The following TFF2 variants were observed in gnomAD, a reference collection of about 807,000 sequenced individuals.
The protein encoded by TFF2 is spasmolysin.
TFF2 carries 19 observed loss-of-function variants against 16.0 expected under a neutral mutation model. That is an observed-to-expected ratio of 1.19 (90% CI 0.83 to 1.74). The LOEUF (loss-of-function observed/expected upper bound fraction) is 1.74. TFF2 is among the 40% of genes most tolerant of loss of function. TFF2 has a pLI of 0.00. For missense variants in TFF2, 168 were observed against 166.8 expected (o/e 1.01, Z -0.04); for synonymous variants, 61 against 65.4 (o/e 0.93, Z 0.32).
intron 3 of TFF2, 89 bp from the exon 4 acceptor site, chr21:42,346,635 T>G: frequency 7.1e-7 from 1 of 1,405,638 alleles, no homozygotes; most frequent in Middle Eastern, 2.0e-4. Context: ...TGCATCACTT[T>G]GCCCAGGAGC....
At chr21:42,350,232 A>G (rs1601493478) in intron 1 of TFF2, 1 of 187,302 alleles carries the variant, frequency 5.3e-6, no homozygotes, top group Non-Finnish European at 7.8e-6. Flanking sequence ...GTTTAAAAGG[A>G]AAAAAAAAAA....
At chr21:42,346,785 TA>T (rs200449552) in intron 3 of TFF2, among the ~76,000 whole-genome samples, 4,059 of 152,206 alleles carry the variant, frequency 0.027, 58 homozygotes, top group African/African-American at 0.039. Flanking sequence ...TTAGGTCACA[TA>T]AAAAAAATCA....
chr21:42,347,427 G>C (rs1297526251), intron 3 of TFF2, 59 bp downstream of exon 3: 8 of 1,607,830 alleles, frequency 5.0e-6, no homozygotes, highest in Non-Finnish European at 5.1e-6. Context: ...CCACCTCTAC[G>C]GACGGAGGAG....
chr21:42,348,821 A>C (rs2052090158), intron 2 of TFF2, among the ~76,000 whole-genome samples: 1 of 152,060 alleles, frequency 6.6e-6, no homozygotes, highest in African/African-American at 2.4e-5. Flanking sequence ...AACCTGGGCT[A>C]CCTCTAGACT....
At chr21:42,350,272 A>C in intron 1 of TFF2, 7 of 995,872 alleles carry the variant, frequency 7.0e-6, no homozygotes, top group Non-Finnish European at 7.6e-6. Context: ...CATACCTATA[A>C]TCCCAGCACT....
intron 1 of TFF2, chr21:42,350,476 T>C (rs187138642): frequency 1.2e-3 from 225 of 187,380 alleles, no homozygotes; most frequent in African/African-American, 5.0e-3. Flanking sequence ...GAGGTTGCAG[T>C]GAGCCAAGAT....
intron 3 of TFF2, 24 bp downstream of exon 3, chr21:42,347,462 C>CAG: frequency 6.2e-7 from 1 of 1,613,902 alleles, no homozygotes; most frequent in Non-Finnish European, 8.5e-7. Context: ...GGGAACCAGA[C>CAG]AGAGAGTCCC....
intron 1 of TFF2, 177 bp from the exon 2 acceptor site, chr21:42,350,207 GAAATTGTT>G: frequency 8.1e-7 from 1 of 1,231,198 alleles, no homozygotes. Flanking sequence ...GGGCTTTGCT[GAAATTGTT>G]ATATTAGTTT....
rs545485231 is a variant in TFF2 at position 42,347,522 on chromosome 21, C to G, written c.340G>C (p.Glu114Gln). The stretch of plus-strand genomic sequence containing the variant: ...TTCGGGAAGAAGCACCAGGGCACTT[C>G]AAAGATGAAGTTGGAGAAGCAGCAC... The part of the protein sequence containing the change: ...RKCCFSNFIF[E>Q]VPWCFFPKSV... The change falls in exon 3 of 4, where the codon GAA becomes CAA. Residue 114 changes from glutamate to glutamine, a missense_variant. Transcript: ENST00000291526. 12 of 1,614,206 alleles carry G rather than the reference C, an allele frequency of 7.4e-6. No individual in the cohort carries two copies. In the African/African-American group the frequency reaches 1.5e-4, roughly 20 times the overall value.
chr21:42,350,871 T>G lies in TFF2; in HGVS notation c.79+8A>C. On this transcript the variant is annotated splice_region_variant and intron_variant, in intron 1 of 3. Transcript: ENST00000291526. ...AAAGCACATAAAAAGACCCTCTCCT[T>G]CACTTACAGGGTTTCTCACTCCCCG... is the stretch of plus-strand genomic sequence containing the variant. The G allele has an allele frequency of 6.2e-7, 1 of 1,606,392 alleles. No individual in the cohort carries two copies. Among genetic ancestry groups the G allele is most frequent in the Non-Finnish European group, 8.5e-7 (1 of 1,177,566 alleles).
chr21:42,350,405 CA>C (rs1568860336), intron 1 of TFF2: 1 of 188,780 alleles, frequency 5.3e-6, no homozygotes, highest in African/African-American at 2.4e-5. Flanking sequence ...TGATGGTCCA[CA>C]ACTGTGGTTT....
chr21:42,350,409 T>A, intron 1 of TFF2: 1 of 185,138 alleles, frequency 5.4e-6, no homozygotes, highest in Non-Finnish European at 1.1e-5. Flanking sequence ...GGTCCACAAC[T>A]GTGGTTTCAG....
rs1283062911 is a variant in TFF2 at position 42,349,931 on chromosome 21, T to A, written c.179A>T (p.Asp60Val). 3 of 1,600,252 alleles carry A rather than the reference T, an allele frequency of 1.9e-6. No homozygotes were observed. Among genetic ancestry groups the A allele is most frequent in the Admixed American group, 1.7e-5 (1 of 58,214 alleles). Residue 60 changes from aspartate to valine, a missense_variant, in exon 2 of 4, where the codon GAC becomes GTC. Transcript: ENST00000291526. Reference protein sequence around the residue: ...DQCFDNGCCFDSSVTGVPWCF... With the variant: ...DQCFDNGCCFVSSVTGVPWCF... ...CCAGGGGACCCCAGTGACACTGGAG[T>A]CGAAACAGCATCCATTGTCAAAACA...
In TFF2 at chr21:42,350,966, C is replaced by T; in HGVS notation, c.-9G>A. ...GCGTCTCGCCGTCCCATGTCTAGCT[C>T]AGCTGCACCCCAGGGTGGCTTGCAG... On this transcript the variant is annotated 5_prime_UTR_variant, in exon 1 of 4. Transcript: ENST00000291526. The T allele has an allele frequency of 6.2e-7, 1 of 1,613,550 alleles. No individual in the cohort carries two copies. Among genetic ancestry groups the T allele is most frequent in the South Asian group, 1.1e-5 (1 of 90,946 alleles).
At chr21:42,348,742 C>T (rs984896818) in intron 2 of TFF2, among the ~76,000 whole-genome samples, 2 of 149,092 alleles carry the variant, frequency 1.3e-5, no homozygotes, top group Admixed American at 6.7e-5. Context: ...CAGACTAGTC[C>T]CAGACTAACC....
At chr21:42,349,854 G>A (rs1202722604) in intron 2 of TFF2, 27 bp downstream of exon 2, 2 of 1,565,194 alleles carry the variant, frequency 1.3e-6, no homozygotes, top group Admixed American at 3.7e-5. Context: ...CCAGCTGCTG[G>A]CCCAGGAAGA....
At chr21:42,347,103 C>T (rs1242483868) in intron 3 of TFF2, among the ~76,000 whole-genome samples, 1 of 152,184 alleles carries the variant, frequency 6.6e-6, no homozygotes, top group African/African-American at 2.4e-5. Flanking sequence ...GAGAAGGGGC[C>T]AGGTCTGCTT....
intron 3 of TFF2, 126 bp downstream of exon 3, chr21:42,347,360 G>T: frequency 7.9e-7 from 1 of 1,265,404 alleles, no homozygotes; most frequent in Non-Finnish European, 1.1e-6. Flanking sequence ...CCCATAGGAG[G>T]CAGGGGCCCT....
At chr21:42,349,048 A>C (rs1026742012) in intron 2 of TFF2, among the ~76,000 whole-genome samples, 1 of 148,280 alleles carries the variant, frequency 6.7e-6, no homozygotes, top group Non-Finnish European at 1.5e-5. Context: ...AGACTAACCA[A>C]CCTGGGCTAC....
Sources: gnomAD v4.1 joint callset for allele counts (sites outside exome capture counted in the v4.1 genomes callset) on GRCh38, gnomAD v4.1.1 for gene constraint, MANE v1.5 for transcripts, NCBI Gene and HGNC (gene_info 2026-07-23, HGNC 2026-07-21) for gene names.